Variants in LOC400499 observed in about 807,000 individuals in gnomAD.
At chr16:11,385,142 C>G in the LOC400499 span, 8 of 1,230,368 alleles carry the variant, frequency 6.5e-6, no homozygotes, top group Non-Finnish European at 7.1e-6. Flanking sequence ...TCCCCCCAGG[C>G]GACCTGCCAT....
chr16:11,389,354 G>A, the LOC400499 span, among the ~76,000 whole-genome samples: 1 of 152,174 alleles, frequency 6.6e-6, no homozygotes, highest in Non-Finnish European at 1.5e-5. Context: ...TGCACGGCCT[G>A]CAAGTAAGAA....
chr16:11,399,077 C>T, the LOC400499 span: 2 of 395,524 alleles, frequency 5.1e-6, no homozygotes, highest in Non-Finnish European at 6.9e-6. Context: ...GTTCCTGCCC[C>T]AAGCTCTGCA....
the LOC400499 span, chr16:11,372,798 C>G: frequency 1.2e-6 from 1 of 800,858 alleles, no homozygotes; most frequent in Non-Finnish European, 1.5e-6. Flanking sequence ...GGGGCCCCTG[C>G]TGTTTCCTGA....
At chr16:11,414,075 G>A in the LOC400499 span, among the ~76,000 whole-genome samples, 1 of 152,238 alleles carries the variant, frequency 6.6e-6, no homozygotes, top group African/African-American at 2.4e-5. Context: ...TCTGACCCAA[G>A]ATTGCAGGGC....
chr16:11,471,703 G>C, the LOC400499 span: 1 of 399,150 alleles, frequency 2.5e-6, no homozygotes, highest in Non-Finnish European at 4.4e-6. Flanking sequence ...TCGGAGCCCC[G>C]GGTCCCGTTT....
chr16:11,389,713 T>A, the LOC400499 span, among the ~76,000 whole-genome samples: 37 of 127,946 alleles, frequency 2.9e-4, no homozygotes, highest in African/African-American at 9.3e-4. Context: ...AAAAAAAGAT[T>A]ACAAAACAAA....
the LOC400499 span, chr16:11,467,342 G>T: frequency 6.6e-6 from 1 of 151,848 alleles, no homozygotes; most frequent in East Asian, 1.9e-4. Context: ...GGGAGTGGAG[G>T]CTCACGCCTG....
chr16:11,450,853 C>G, the LOC400499 span: 43 of 1,512,996 alleles, frequency 2.8e-5, no homozygotes, highest in Non-Finnish European at 3.8e-5. Context: ...ATCTGGTACA[C>G]GGGGTAGAGA....
the LOC400499 span, chr16:11,450,927 C>T: frequency 5.0e-6 from 5 of 1,007,000 alleles, no homozygotes; most frequent in Non-Finnish European, 7.1e-6. Flanking sequence ...GGACAAATCT[C>T]AAAACTGGGA....
the LOC400499 span, chr16:11,523,338 C>A: frequency 2.5e-6 from 1 of 398,568 alleles, no homozygotes; most frequent in East Asian, 3.6e-5. Flanking sequence ...CATCTTACAG[C>A]TTCACTCCCA....
chr16:11,456,072 T>C, the LOC400499 span, among the ~76,000 whole-genome samples: 1 of 151,720 alleles, frequency 6.6e-6, no homozygotes, highest in Non-Finnish European at 1.5e-5. Context: ...GAGGTGGAGT[T>C]TCACTCTTGT....
At chr16:11,515,885 AG>A in the LOC400499 span, 4 of 20,232 alleles carry the variant, frequency 2.0e-4, no homozygotes, top group Admixed American at 8.3e-4. Flanking sequence ...AGCCCAGCCC[AG>A]CCCAGCCTAG....
At chr16:11,492,593 G>A in the LOC400499 span, among the ~76,000 whole-genome samples, 2,886 of 152,078 alleles carry the variant, frequency 0.019, 44 homozygotes, top group Non-Finnish European at 0.029. Flanking sequence ...GACCATCCTG[G>A]CTAACACGGT....
chr16:11,379,447 G>T, the LOC400499 span, among the ~76,000 whole-genome samples: 1 of 152,198 alleles, frequency 6.6e-6, no homozygotes, highest in South Asian at 2.1e-4. Context: ...GGTCGATTTT[G>T]TCTGATATTA....
chr16:11,525,292 CAAAAAA>C, the LOC400499 span, among the ~76,000 whole-genome samples: 393 of 125,028 alleles, frequency 3.1e-3, 1 homozygote, highest in African/African-American at 0.01. Flanking sequence ...GACCTTGTCC[CAAAAAA>C]AAAAAAAAAA....
the LOC400499 span, chr16:11,456,836 G>C: frequency 6.5e-7 from 1 of 1,536,120 alleles, no homozygotes; most frequent in Non-Finnish European, 8.7e-7. Context: ...GCTAGCCAAG[G>C]AGGCCCCACA....
the LOC400499 span, chr16:11,471,770 C>A: frequency 7.5e-6 from 3 of 399,048 alleles, no homozygotes; most frequent in Admixed American, 8.8e-5. Flanking sequence ...TGGCCAGGCA[C>A]CGGCCAGGTC....
chr16:11,404,565 T>A, the LOC400499 span: 1 of 393,030 alleles, frequency 2.5e-6, no homozygotes, highest in Non-Finnish European at 4.5e-6. Context: ...CAGGCTGGTC[T>A]CAAACTCCTG....
the LOC400499 span, among the ~76,000 whole-genome samples, chr16:11,463,827 G>C: frequency 1.3e-5 from 2 of 151,746 alleles, no homozygotes; most frequent in Non-Finnish European, 2.9e-5. Context: ...GTGTATGGAC[G>C]TGTGTTTATG....
Sources: allele counts gnomAD v4.1 joint callset (sites outside exome capture counted in the v4.1 genomes callset), GRCh38; gene constraint gnomAD v4.1.1; transcripts MANE v1.5.